CLSTN2: variants seen among roughly 807,000 people sequenced by gnomAD.
The protein encoded by CLSTN2 is calsyntenin-2.
Under a neutral mutation model 101.2 loss-of-function variants are expected in CLSTN2, and 48 were observed. The ratio of observed to expected loss-of-function variants is 0.47; its 90% CI spans 0.38 to 0.60. The LOEUF (loss-of-function observed/expected upper bound fraction) is 0.60, where lower values mean the gene tolerates loss of function less well. Ranked by LOEUF, CLSTN2 falls within the 20% of genes least tolerant of loss-of-function variation. The probability of loss-of-function intolerance (pLI) is 0.00; values close to 1 mark genes in which losing one functional copy is unlikely to be tolerated. For missense variants in CLSTN2, 1,160 were observed against 1,238.2 expected (o/e 0.94, Z 0.95); for synonymous variants, 481 against 463.6 (o/e 1.04, Z -0.48).
intron 1 of CLSTN2, among the ~76,000 whole-genome samples, chr3:140,166,829 A>C (rs1030291422): frequency 9.9e-5 from 15 of 152,202 alleles, no homozygotes; most frequent in Non-Finnish European, 1.8e-4. Context: ...AATTAGTCCT[A>C]AAGGGGCATG....
At chr3:140,489,594 G>C (rs1019662823) in intron 8 of CLSTN2, among the ~76,000 whole-genome samples, 4 of 152,080 alleles carry the variant, frequency 2.6e-5, no homozygotes, top group African/African-American at 9.7e-5. Flanking sequence ...GAGCAGCAGG[G>C]AGAGGACCTG....
At chr3:140,270,229 A>T (rs1018732270) in intron 2 of CLSTN2, among the ~76,000 whole-genome samples, 3 of 152,146 alleles carry the variant, frequency 2.0e-5, no homozygotes, top group East Asian at 3.9e-4. Flanking sequence ...GGAACCTCCT[A>T]ACACAGGTGA....
intron 2 of CLSTN2, among the ~76,000 whole-genome samples, chr3:140,285,430 G>A (rs2086887251): frequency 6.6e-6 from 1 of 152,090 alleles, no homozygotes; most frequent in African/African-American, 2.4e-5. Context: ...ATGGGTACAG[G>A]TTGATCCTAC....
intron 2 of CLSTN2, among the ~76,000 whole-genome samples, chr3:140,300,719 A>G (rs1234596562): frequency 6.6e-6 from 1 of 152,146 alleles, no homozygotes; most frequent in African/African-American, 2.4e-5. Context: ...ACACTCTTAA[A>G]AATTATTACT....
At position 139,935,602 on chromosome 3, in the gene CLSTN2, T is replaced by C. The variant is rs9821708; in HGVS notation, c.109+119T>C. ...CCCACCCTCCCTTGCCGCAGCTTCT[T>C]TGGCCTCTGTGCGCCCTGGATTCCC... On this transcript the variant is annotated intron_variant, in intron 1 of 16. Transcript: ENST00000458420. The surrounding 1 kb of genome is among the most constrained non-coding windows in gnomAD (Gnocchi z 5.5). 0.36 allele frequency: 168,852 copies of C among 469,540 alleles called. 31,817 individuals are homozygous for C. The highest frequency in any genetic ancestry group is 0.54 in the African/African-American group (26,914 of 49,804). 29.1% of individuals were successfully genotyped at this position (469,540 alleles called of 1,614,324 possible). A position where few individuals can be genotyped will look rare whatever the true frequency, so the allele number is the denominator to read the frequency against.
chr3:139,968,892 T>A (rs1157550396), intron 1 of CLSTN2, among the ~76,000 whole-genome samples: 1 of 152,218 alleles, frequency 6.6e-6, no homozygotes, highest in Admixed American at 6.5e-5. Flanking sequence ...AGACATAAAC[T>A]CTTTTTATTT....
chr3:139,988,622 G>A (rs1430687168), intron 1 of CLSTN2, among the ~76,000 whole-genome samples: 4 of 152,190 alleles, frequency 2.6e-5, no homozygotes, highest in African/African-American at 4.8e-5. Context: ...CTGAGGAGAA[G>A]CACTTGCCAT....
chr3:140,245,595 G>A (rs1449747079), intron 2 of CLSTN2, among the ~76,000 whole-genome samples: 1 of 152,180 alleles, frequency 6.6e-6, no homozygotes. Flanking sequence ...GCAGGGTGCA[G>A]TATGGTCAAC....
In CLSTN2 at chr3:140,034,367, G is replaced by A. The variant is rs535921521; in HGVS notation, c.109+98884G>A. On this transcript the variant is annotated intron_variant, in intron 1 of 16. Transcript: ENST00000458420. Reference sequence around the variant, plus strand: ...ATATTTTAGTCATTAACCTAGAACTGGGATGTCATCATTTTGTCAGAAAGA... The same window carrying A: ...ATATTTTAGTCATTAACCTAGAACTAGGATGTCATCATTTTGTCAGAAAGA... Among the ~76,000 whole-genome samples, 4 of 152,284 alleles carry A rather than the reference G, an allele frequency of 2.6e-5. No individual in the cohort carries two copies. In the East Asian group the frequency reaches 5.8e-4, roughly 22 times the overall value.
chr3:140,530,327 G>A (rs114165337), intron 8 of CLSTN2, among the ~76,000 whole-genome samples: 2,765 of 152,232 alleles, frequency 0.018, 40 homozygotes, highest in Non-Finnish European at 0.027. Context: ...GTTGTTTCAC[G>A]GATGTTTATA....
At chr3:140,395,709 A>G (rs2170059) in intron 2 of CLSTN2, among the ~76,000 whole-genome samples, 61,960 of 152,162 alleles carry the variant, frequency 0.41, 15,027 homozygotes, top group South Asian at 0.6. Context: ...TATTCTGGAC[A>G]TGATTACCTC....
chr3:140,405,194 G>A (rs1315482218), intron 4 of CLSTN2, among the ~76,000 whole-genome samples: 1 of 151,912 alleles, frequency 6.6e-6, no homozygotes, highest in East Asian at 1.9e-4. Context: ...GAGGAGGTGG[G>A]ACTTTTGAAA....
intron 1 of CLSTN2, among the ~76,000 whole-genome samples, chr3:140,106,367 G>A (rs2009058694): frequency 6.6e-6 from 1 of 152,186 alleles, no homozygotes; most frequent in Non-Finnish European, 1.5e-5. Context: ...CCATTGACAA[G>A]GTGAGCACAG....
intron 2 of CLSTN2, among the ~76,000 whole-genome samples, chr3:140,379,867 C>T (rs553514615): frequency 1.6e-4 from 24 of 152,206 alleles, no homozygotes; most frequent in Admixed American, 1.6e-3. Flanking sequence ...AATGAAAGCT[C>T]ACTGAAAGAA....
At chr3:140,466,275 A>T (rs1165790948) in intron 7 of CLSTN2, among the ~76,000 whole-genome samples, 3 of 152,226 alleles carry the variant, frequency 2.0e-5, no homozygotes, top group African/African-American at 7.2e-5. Context: ...CTCCAGAAGC[A>T]TCTGTAACCA....
At chr3:140,148,279 A>G (rs1292642390) in intron 1 of CLSTN2, among the ~76,000 whole-genome samples, 1 of 152,238 alleles carries the variant, frequency 6.6e-6, no homozygotes, top group African/African-American at 2.4e-5. Context: ...AGGAGAGCTC[A>G]GAGAACTCTC....
At chr3:139,979,699 G>A (rs147384385) in intron 1 of CLSTN2, among the ~76,000 whole-genome samples, 1 of 152,112 alleles carries the variant, frequency 6.6e-6, no homozygotes, top group East Asian at 1.9e-4. Context: ...TGTGTGCATG[G>A]GGAATAGTAT....
chr3:140,181,975 T>A, intron 2 of CLSTN2, among the ~76,000 whole-genome samples: 1 of 152,184 alleles, frequency 6.6e-6, no homozygotes, highest in Non-Finnish European at 1.5e-5. Flanking sequence ...GATACACAGA[T>A]ATAGCATTAA....
chr3:140,348,195 C>A (rs2087568771), intron 2 of CLSTN2, among the ~76,000 whole-genome samples: 1 of 152,184 alleles, frequency 6.6e-6, no homozygotes, highest in Non-Finnish European at 1.5e-5. Context: ...AGTGGCTCTA[C>A]TTCTTTGGAT....
Sources: allele counts gnomAD v4.1 joint callset (sites outside exome capture counted in the v4.1 genomes callset), GRCh38; gene constraint gnomAD v4.1.1; non-coding constraint Gnocchi (gnomAD v3.1); transcripts MANE v1.5; gene names NCBI Gene and HGNC (gene_info 2026-07-23, HGNC 2026-07-21).